Variants in CHD5 observed in about 807,000 individuals in gnomAD.
CHD5 encodes the protein ATP-dependent chromatin remodeler CHD5.
CHD5 carries 69 observed loss-of-function variants against 230.3 expected under a neutral mutation model. That is an observed-to-expected ratio of 0.30 (90% CI 0.25 to 0.37). CHD5 has a LOEUF of 0.37. Among genes scored for constraint, CHD5 ranks in the 10% least tolerant of loss-of-function variants. CHD5 has a pLI of 1.00. For synonymous variants in CHD5, 1,064 were observed against 1,065.9 expected (o/e 1.00, Z 0.03); for missense variants, 1,827 against 2,622.8 (o/e 0.70, Z 6.63).
intron 33 of CHD5, among the ~76,000 whole-genome samples, chr1:6,120,820 T>C (rs918866416): frequency 6.6e-6 from 1 of 152,078 alleles, no homozygotes; most frequent in Non-Finnish European, 1.5e-5. Flanking sequence ...CAAGAATCAC[T>C]TGAACCCGGG....
In CHD5 at chr1:6,117,449, C is replaced by T. The variant is rs149710103; in HGVS notation, c.4912+3656G>A. ...CATACAAGCCAGGCACAGTGGTACA[C>T]GCCTGTGATCCTAGCTACTCAAAAG... On this transcript the variant is annotated intron_variant, in intron 33 of 41. Transcript: ENST00000262450. Among the ~76,000 whole-genome samples, 245 of 152,280 alleles carry T rather than the reference C, an allele frequency of 1.6e-3. 1 individual carries two copies. The highest frequency in any genetic ancestry group is 5.7e-3 in the African/African-American group (236 of 41,554).
intron 15 of CHD5, among the ~76,000 whole-genome samples, chr1:6,137,990 C>T (rs1666770554): frequency 6.6e-6 from 1 of 152,176 alleles, no homozygotes; most frequent in Non-Finnish European, 1.5e-5. Flanking sequence ...GGCACCCGGT[C>T]TATGCACCAA....
Position 6,129,186 on chromosome 1 carries a change from G to C in CHD5, c.3388-117C>G, listed in dbSNP as rs559960301. 2.8e-6 allele frequency: 2 copies of C among 705,872 alleles called. No individual in the cohort carries two copies. The highest frequency in any genetic ancestry group is 4.8e-6 in the Non-Finnish European group (2 of 414,598). The allele number at this position is 705,872 out of a possible 1,614,324, so 43.7% of individuals were successfully genotyped here. ...GCTGCATGACTGTGTAGGGAAAGGC[G>C]TGTGGTGCGTCCAGGTGTGTGGAGC... is the stretch of plus-strand genomic sequence containing the variant. On this transcript the variant is annotated intron_variant, in intron 22 of 41. Coordinates refer to ENST00000262450, the MANE Select transcript of CHD5 (RefSeq NM_015557.3). The surrounding 1 kb of genome is among the most constrained non-coding windows in gnomAD (Gnocchi z 6.8).
At position 6,124,675 on chromosome 1, in the gene CHD5, G is replaced by GA. The variant is rs1239420848; in HGVS notation, c.4395-15_4395-14insT. 3.9e-6 allele frequency: 3 copies of GA among 773,366 alleles called. No individual in the cohort carries two copies. The East Asian group carries it at 8.7e-5, about 23-fold the overall frequency. The allele number at this position is 773,366 out of a possible 1,614,324, so 47.9% of individuals were successfully genotyped here. A position where few individuals can be genotyped will look rare whatever the true frequency, so the allele number is the denominator to read the frequency against. On this transcript the variant is annotated splice_polypyrimidine_tract_variant and intron_variant, in intron 29 of 41. Coordinates refer to ENST00000262450, the MANE Select transcript of CHD5 (RefSeq NM_015557.3). ...GACACATAGGCTCTGGGGTGGGGGG[G>GA]GGGGACTGGGGCTCAGGGAGTGGGG...
chr1:6,142,425 G>A lies in CHD5; in HGVS notation c.2224C>T (p.Leu742Phe). The change falls in exon 14 of 42, where the codon CTC becomes TTC. Residue 742 changes from leucine to phenylalanine, a missense_variant. Transcript: ENST00000262450. The surrounding 1 kb of genome is among the most constrained non-coding windows in gnomAD (Gnocchi z 5.2). ...TVQTIVFLYS[L>F]YKEGHSKGPY... Reference sequence around the variant, plus strand: ...CCCCGCCTGCCCACCTCCTTGTAGAGGGAGTAAAGGAACACGATGGTCTGC... The same window carrying A: ...CCCCGCCTGCCCACCTCCTTGTAGAAGGAGTAAAGGAACACGATGGTCTGC... 6.2e-7 allele frequency: 1 copy of A among 1,606,300 alleles called. No individual in the cohort carries two copies. The highest frequency in any genetic ancestry group is 8.5e-7 in the Non-Finnish European group (1 of 1,173,720).
At chr1:6,113,174 A>G in intron 33 of CHD5, 176 bp from the exon 34 acceptor site, 1 of 598,332 alleles carries the variant, frequency 1.7e-6, no homozygotes, top group Non-Finnish European at 3.0e-6. Context: ...CTGTAATCCC[A>G]GTATTTTGGG....
intron 38 of CHD5, among the ~76,000 whole-genome samples, chr1:6,108,911 G>C (rs537195559): frequency 1.3e-5 from 2 of 150,650 alleles, no homozygotes; most frequent in East Asian, 4.0e-4. Flanking sequence ...GAAGGATGGA[G>C]GCATGGAGGG....
Position 6,128,477 on chromosome 1 carries a change from G to T in CHD5, c.3730+22C>A. The T allele has an allele frequency of 6.4e-7, 1 of 1,572,272 alleles. No homozygotes were observed. On this transcript the variant is annotated intron_variant, in intron 24 of 41. Transcript: ENST00000262450. This position sits in a 1 kb window ranked among gnomAD's most constrained non-coding sequence, Gnocchi z 7.8. ...CCACCTGGTCGGAGGAGGAGCTGAG[G>T]CTGGGCTGGGTTGGCCCCTACCTGG...
At position 6,179,192 on chromosome 1, in the gene CHD5, C is replaced by T. The variant is rs370883126; in HGVS notation, c.79+753G>A. On this transcript the variant is annotated intron_variant, in intron 1 of 41. Coordinates refer to ENST00000262450, the MANE Select transcript of CHD5 (RefSeq NM_015557.3). The stretch of plus-strand genomic sequence containing the variant: ...AGGGGCAGGGGCGGTGGCCCTGGGG[C>T]GTCAGGCCCGTAGCCAAGGCAGGGT... Among the ~76,000 whole-genome samples the T allele has an allele frequency of 7.0e-3, 1,065 of 152,328 alleles. 12 individuals carry two copies. The highest frequency in any genetic ancestry group is 0.024 in the African/African-American group (1,008 of 41,584).
chr1:6,110,289 T>G (rs1571137556), intron 37 of CHD5, 105 bp downstream of exon 37: 1 of 1,333,076 alleles, frequency 7.5e-7, no homozygotes, highest in East Asian at 2.3e-5. Context: ...GTGACCCAGG[T>G]ACACGGGGAG....
chr1:6,143,515 G>A (rs1380081715), intron 13 of CHD5, among the ~76,000 whole-genome samples: 3 of 152,172 alleles, frequency 2.0e-5, no homozygotes, highest in Non-Finnish European at 4.4e-5. Context: ...CAGCTACCCA[G>A]GGCTCACTGG....
chr1:6,146,838 G>T lies in CHD5; in HGVS notation c.1417C>A (p.Leu473Ile). 1 of 1,546,056 alleles carries T rather than the reference G, an allele frequency of 6.5e-7. No individual in the cohort carries two copies. The change falls in exon 10 of 42, where the codon CTA (leucine) becomes ATA (isoleucine). Residue 473 changes from leucine (L) to isoleucine (I), a missense_variant. Leu to Ile is a conservative substitution (Grantham distance 5, BLOSUM62 2). Transcript: ENST00000262450. This position sits in a 1 kb window ranked among gnomAD's most constrained non-coding sequence, Gnocchi z 5.1. The part of the protein sequence containing the change: ...PPLKGKVQRI[L>I]HWRWTEPPAP... ...GGGGGCTCCGTCCACCTCCAGTGTA[G>T]AATCCGCTGGACTTTGCCCTTCAGT...
At chr1:6,174,932 G>C (rs1038132185) in intron 1 of CHD5, among the ~76,000 whole-genome samples, 6 of 146,540 alleles carry the variant, frequency 4.1e-5, no homozygotes, top group Non-Finnish European at 9.0e-5. Flanking sequence ...GGTGGATGAA[G>C]GATGGATGGT....
At chr1:6,177,707 T>A (rs1667446909) in intron 1 of CHD5, among the ~76,000 whole-genome samples, 1 of 152,110 alleles carries the variant, frequency 6.6e-6, no homozygotes. Context: ...ATCATAACAT[T>A]CGAGCTGGGA....
Position 6,146,290 on chromosome 1 carries a change from T to G in CHD5, c.1724A>C (p.Tyr575Ser), listed in dbSNP as rs1433346204. 3 of 1,614,082 alleles carry G rather than the reference T, an allele frequency of 1.9e-6. No individual in the cohort carries two copies. The highest frequency in any genetic ancestry group is 2.2e-5 in the South Asian group (2 of 91,090). The change falls in exon 11 of 42, where the codon TAT (tyrosine) becomes TCT (serine). Residue 575 changes from tyrosine to serine, a missense_variant. By Grantham distance (144) the Tyr-to-Ser change is moderately radical. Coordinates refer to ENST00000262450, the MANE Select transcript of CHD5 (RefSeq NM_015557.3). The surrounding 1 kb of genome is among the most constrained non-coding windows in gnomAD (Gnocchi z 5.1). ...SEKRKNKDPL[Y>S]AKMEERFYRY... ...GTAGAAGCGCTCCTCCATCTTGGCA[T>G]AGAGGGGGTCCTTGTTCTTCCTCTT...
chr1:6,179,075 G>A (rs535348910), intron 1 of CHD5, among the ~76,000 whole-genome samples: 1 of 152,378 alleles, frequency 6.6e-6, no homozygotes, highest in African/African-American at 2.4e-5. Context: ...CAAATGGTGA[G>A]CAGTTAACTA....
Position 6,125,239 on chromosome 1 carries a change from C to A in CHD5, c.4261-6G>T. The A allele has an allele frequency of 6.4e-7, 1 of 1,567,050 alleles. No homozygotes were observed. Among genetic ancestry groups the A allele is most frequent in the East Asian group, 2.3e-5 (1 of 43,778 alleles). ...CGGGCATTGAAGCCCAGCACCTGGGCGAGTGGAGCGTGGGAGTATGAGCCC... is the reference window on the plus strand; with the variant it reads ...CGGGCATTGAAGCCCAGCACCTGGGAGAGTGGAGCGTGGGAGTATGAGCCC... On this transcript the variant is annotated splice_polypyrimidine_tract_variant and splice_region_variant and intron_variant, in intron 28 of 41. Coordinates refer to ENST00000262450, the MANE Select transcript of CHD5 (RefSeq NM_015557.3). This position sits in a 1 kb window ranked among gnomAD's most constrained non-coding sequence, Gnocchi z 6.7.
chr1:6,134,886 G>A lies in CHD5; in HGVS notation c.2871-27C>T, dbSNP rs754071588. On this transcript the variant is annotated intron_variant, in intron 18 of 41. Transcript: ENST00000262450. The surrounding 1 kb of genome is among the most constrained non-coding windows in gnomAD (Gnocchi z 6.3). ...TGCAGCAGGGCACGAGGAAAGGCAGGCTGGGTCAGACCCGCCTCCATGAGG... is the reference window on the plus strand; with the variant it reads ...TGCAGCAGGGCACGAGGAAAGGCAGACTGGGTCAGACCCGCCTCCATGAGG... 1 of 1,613,720 alleles carries A rather than the reference G, an allele frequency of 6.2e-7. No individual in the cohort carries two copies. The highest frequency in any genetic ancestry group is 1.7e-5 in the Admixed American group (1 of 60,010).
chr1:6,105,366 T>C lies in CHD5; in HGVS notation c.*108A>G, dbSNP rs1199148427. 2.1e-6 allele frequency: 1 copy of C among 470,464 alleles called. No homozygotes were observed. The highest frequency in any genetic ancestry group is 4.4e-6 in the Non-Finnish European group (1 of 226,820). 29.1% of individuals were successfully genotyped at this position (470,464 alleles called of 1,614,324 possible). On this transcript the variant is annotated 3_prime_UTR_variant, in exon 42 of 42. Transcript: ENST00000262450. The surrounding 1 kb of genome is among the most constrained non-coding windows in gnomAD (Gnocchi z 4.8). ...CTTTTTGTCCCAAGGTGGCGCTGGC[T>C]CCTAAAAAGGTGGCAGCTTTTCTCT...
Sources: allele counts gnomAD v4.1 joint callset (sites outside exome capture counted in the v4.1 genomes callset), GRCh38; gene constraint gnomAD v4.1.1; non-coding constraint Gnocchi (gnomAD v3.1); transcripts MANE v1.5; gene names NCBI Gene and HGNC (gene_info 2026-07-23, HGNC 2026-07-21).